DLGAP1: variants seen among roughly 807,000 people sequenced by gnomAD.
DLGAP1 encodes the protein DLG associated protein 1.
DLGAP1 carries 11 observed loss-of-function variants against 90.8 expected under a neutral mutation model. That is an observed-to-expected ratio of 0.12 (90% CI 0.08 to 0.20). DLGAP1 has a LOEUF of 0.20. Among genes scored for constraint, DLGAP1 ranks in the 10% least tolerant of loss-of-function variants. DLGAP1 has a pLI of 1.00. For missense variants in DLGAP1, 1,050 were observed against 1,333.8 expected (o/e 0.79, Z 3.31); for synonymous variants, 558 against 540.7 (o/e 1.03, Z -0.44).
At position 4,299,991 on chromosome 18, in the gene DLGAP1, A is replaced by T. The variant is rs2143238345; in HGVS notation, c.-266-148704T>A. On this transcript the variant is annotated intron_variant, in intron 1 of 12. Transcript: ENST00000315677. ...TGCTATGTACCAGCAAAACCTATTT[A>T]GAATATCCAAAAAAAAGCAATCTCA... is the stretch of plus-strand genomic sequence containing the variant. Among the ~76,000 whole-genome samples the T allele has an allele frequency of 2.1e-5, 3 of 143,946 alleles. No homozygotes were observed. In the Middle Eastern group the frequency reaches 0.011, roughly 518 times the overall value. The allele number at this position is 143,946 out of a possible 152,430, so 94.4% of individuals were successfully genotyped here.
chr18:3,845,772 T>C (rs777905895), intron 4 of DLGAP1, among the ~76,000 whole-genome samples: 102 of 152,212 alleles, frequency 6.7e-4, no homozygotes, highest in Non-Finnish European at 1.3e-3. Flanking sequence ...AGATGCCTTT[T>C]ACAATGTTGA....
At chr18:4,150,023 T>G (rs1475373141) in intron 2 of DLGAP1, among the ~76,000 whole-genome samples, 1 of 152,198 alleles carries the variant, frequency 6.6e-6, no homozygotes, top group Non-Finnish European at 1.5e-5. Flanking sequence ...TAACGGAAAT[T>G]TGGGCATCTG....
intron 2 of DLGAP1, among the ~76,000 whole-genome samples, chr18:4,085,633 T>C (rs897887548): frequency 1.3e-5 from 2 of 152,216 alleles, no homozygotes; most frequent in Non-Finnish European, 2.9e-5. Flanking sequence ...CAAGTCTGTG[T>C]TCCTTTGATG....
chr18:4,072,199 T>C (rs538841387), intron 2 of DLGAP1, among the ~76,000 whole-genome samples: 33 of 152,116 alleles, frequency 2.2e-4, no homozygotes, highest in Non-Finnish European at 4.4e-4. Context: ...GACTTTCTCT[T>C]AGAAGAATTA....
chr18:4,256,467 A>G (rs919490125), intron 1 of DLGAP1, among the ~76,000 whole-genome samples: 1 of 152,206 alleles, frequency 6.6e-6, no homozygotes, highest in African/African-American at 2.4e-5. Context: ...TCCTACTTAA[A>G]CAGAATTTCT....
At chr18:3,551,706 C>T (rs1196531690) in intron 9 of DLGAP1, among the ~76,000 whole-genome samples, 1 of 26,834 alleles carries the variant, frequency 3.7e-5, no homozygotes, top group Non-Finnish European at 6.3e-5. Context: ...CTCCCTCCCT[C>T]CCTCCCTCCC....
chr18:4,168,904 G>T (rs899856025), intron 1 of DLGAP1, among the ~76,000 whole-genome samples: 2 of 152,078 alleles, frequency 1.3e-5, no homozygotes, highest in Non-Finnish European at 2.9e-5. Context: ...TTAAAGGCAG[G>T]ATAATATTCC....
intron 2 of DLGAP1, among the ~76,000 whole-genome samples, chr18:4,052,379 G>A (rs1338305668): frequency 6.6e-6 from 1 of 152,058 alleles, no homozygotes; most frequent in Non-Finnish European, 1.5e-5. Flanking sequence ...GCACCCACAG[G>A]ACCAACACTA....
At chr18:3,981,257 T>C (rs1194345673) in intron 3 of DLGAP1, among the ~76,000 whole-genome samples, 1 of 152,250 alleles carries the variant, frequency 6.6e-6, no homozygotes, top group Non-Finnish European at 1.5e-5. Flanking sequence ...TGTGATTTGA[T>C]TCAAAGCTAG....
At chr18:4,360,848 C>T (rs565864510) in intron 1 of DLGAP1, among the ~76,000 whole-genome samples, 9 of 152,140 alleles carry the variant, frequency 5.9e-5, no homozygotes, top group East Asian at 1.9e-4. Context: ...GGCATGGTGG[C>T]GGGCACCTGT....
chr18:3,627,947 G>A (rs1435884093), intron 7 of DLGAP1, among the ~76,000 whole-genome samples: 2 of 141,920 alleles, frequency 1.4e-5, no homozygotes, highest in Admixed American at 7.5e-5. Flanking sequence ...GGGCGATCTC[G>A]GCTCACTGCA....
chr18:4,440,144 A>AT (rs2083499156), intron 1 of DLGAP1, among the ~76,000 whole-genome samples: 1 of 138,390 alleles, frequency 7.2e-6, no homozygotes, highest in African/African-American at 2.8e-5. Context: ...AAAAAAAAAA[A>AT]TAGAGAGAGA....
chr18:4,307,468 C>T (rs1421454068), intron 1 of DLGAP1, among the ~76,000 whole-genome samples: 1 of 152,174 alleles, frequency 6.6e-6, no homozygotes, highest in East Asian at 1.9e-4. Flanking sequence ...CAGCCACCAT[C>T]TGTCCAAATC....
At chr18:3,845,496 T>G (rs2068956135) in intron 4 of DLGAP1, 2 of 1,277,110 alleles carry the variant, frequency 1.6e-6, no homozygotes, top group African/African-American at 1.5e-5. Context: ...AGCTGAAGAA[T>G]AACACTTAAG....
chr18:4,136,308 G>C (rs867368538), intron 2 of DLGAP1, among the ~76,000 whole-genome samples: 21 of 152,010 alleles, frequency 1.4e-4, no homozygotes, highest in African/African-American at 4.1e-4. Flanking sequence ...TCAGTTTTTT[G>C]AAGAACCTCC....
intron 1 of DLGAP1, among the ~76,000 whole-genome samples, chr18:4,275,599 G>GT (rs3041148): frequency 0.54 from 80,458 of 149,400 alleles, 25,681 homozygotes; most frequent in East Asian, 0.74. Flanking sequence ...GATTTTAGCT[G>GT]TTTTTTTTTT....
At chr18:4,413,544 C>A (rs2082828299) in intron 1 of DLGAP1, among the ~76,000 whole-genome samples, 1 of 152,222 alleles carries the variant, frequency 6.6e-6, no homozygotes, top group Non-Finnish European at 1.5e-5. Context: ...GCCACGAGGG[C>A]TCCCCAGTCA....
At chr18:3,825,466 C>A (rs894244238) in intron 4 of DLGAP1, among the ~76,000 whole-genome samples, 5 of 152,216 alleles carry the variant, frequency 3.3e-5, no homozygotes, top group Non-Finnish European at 5.9e-5. Context: ...ATCATCTCTA[C>A]ATTCCTTGTA....
At chr18:4,281,586 C>A (rs2079553757) in intron 1 of DLGAP1, among the ~76,000 whole-genome samples, 1 of 152,104 alleles carries the variant, frequency 6.6e-6, no homozygotes, top group African/African-American at 2.4e-5. Flanking sequence ...AAAATTTGCA[C>A]TGATATTGGT....
Sources: gnomAD v4.1 joint callset for allele counts (sites outside exome capture counted in the v4.1 genomes callset) on GRCh38, gnomAD v4.1.1 for gene constraint, MANE v1.5 for transcripts, NCBI Gene and HGNC (gene_info 2026-07-23, HGNC 2026-07-21) for gene names.